The following CACNA1E variants were observed in gnomAD, a reference collection of about 807,000 sequenced individuals.
The protein encoded by CACNA1E is calcium voltage-gated channel subunit alpha1 E.
A neutral mutation model predicts 259.2 loss-of-function variants in CACNA1E; 40 were observed. That is an observed-to-expected ratio of 0.15 (90% CI 0.12 to 0.20). The LOEUF (loss-of-function observed/expected upper bound fraction) is 0.20, where lower values mean the gene tolerates loss of function less well. CACNA1E is among the 10% of genes least tolerant of loss of function. The pLI, the probability that CACNA1E is intolerant of heterozygous loss-of-function variation, is 1.00. For synonymous variants in CACNA1E, 1,104 were observed against 1,138.5 expected (o/e 0.97, Z 0.61); for missense variants, 1,874 against 3,040.1 (o/e 0.62, Z 9.02).
chr1:181,479,030 AG>A (rs1309596220), upstream of CACNA1E, among the ~76,000 whole-genome samples: 1 of 152,248 alleles, frequency 6.6e-6, no homozygotes, highest in Non-Finnish European at 1.5e-5. Flanking sequence ...GGCTTTATAA[AG>A]TAGGAAAGTT....
Position 181,726,132 on chromosome 1 carries a change from C to T in CACNA1E, c.2210C>T (p.Pro737Leu), listed in dbSNP as rs1415894919. 5.6e-6 allele frequency: 9 copies of T among 1,612,680 alleles called. No individual in the cohort carries two copies. The African/African-American group carries it at 6.7e-5, about 12-fold the overall frequency. ...CTGCAGAAGGCCAAGGAGGTCAGCC[C>T]GATGTCTGCACCCAACATGCCTTCG... Reference protein sequence around the residue: ...HALQKAKEVSPMSAPNMPSIE... With the variant: ...HALQKAKEVSLMSAPNMPSIE... The change falls in exon 18 of 48, where the codon CCG becomes CTG. Residue 737 changes from proline to leucine, a missense_variant. This residue lies in a region of CACNA1E where 102 missense variants were observed against 279.4 expected (regional missense o/e 0.37). Coordinates refer to ENST00000367573, the MANE Select transcript of CACNA1E (RefSeq NM_001205293.3).
At chr1:181,685,179 A>ATTTT (rs35187833) in intron 7 of CACNA1E, among the ~76,000 whole-genome samples, 1 of 110,222 alleles carries the variant, frequency 9.1e-6, no homozygotes. Context: ...CAAAGGAAAC[A>ATTTT]TTTTTTTTTT....
intron 35 of CACNA1E, 54 bp from the exon 36 acceptor site, chr1:181,771,239 A>ACACAT (rs1659480992): frequency 7.0e-6 from 7 of 1,000,122 alleles, no homozygotes; most frequent in Non-Finnish European, 1.1e-5. Flanking sequence ...CATGTGCTGG[A>ACACAT]CACATCACAC....
At position 181,724,973 on chromosome 1, in the gene CACNA1E, G is replaced by A. The variant is rs148454467; in HGVS notation, c.2142+436G>A. Among the ~76,000 whole-genome samples the A allele has an allele frequency of 9.3e-3, 1,416 of 152,314 alleles. 12 individuals are homozygous for A. The highest frequency in any genetic ancestry group is 0.012 in the Non-Finnish European group (832 of 68,028). On this transcript the variant is annotated intron_variant, in intron 17 of 47. Transcript: ENST00000367573. ...TCACAGTTCCTGGGCTATGGCTGTT[G>A]GGATATTCCAGTAGGCAAAGGTCAT...
chr1:181,757,306 G>A (rs942254143), intron 30 of CACNA1E, among the ~76,000 whole-genome samples, 180 bp downstream of exon 30: 4 of 152,208 alleles, frequency 2.6e-5, no homozygotes, highest in African/African-American at 4.8e-5. Flanking sequence ...TAAGGCCCAC[G>A]TATGAGGCAC....
At chr1:181,763,997 C>T (rs1036842283) in intron 34 of CACNA1E, among the ~76,000 whole-genome samples, 1 of 152,186 alleles carries the variant, frequency 6.6e-6, no homozygotes, top group Non-Finnish European at 1.5e-5. Context: ...ATGATTCATA[C>T]TTAGCCCCAC....
At chr1:181,559,817 G>A (rs926960029) in intron 3 of CACNA1E, among the ~76,000 whole-genome samples, 1 of 152,132 alleles carries the variant, frequency 6.6e-6, no homozygotes, top group African/African-American at 2.4e-5. Flanking sequence ...GAGATGCAGG[G>A]AAGAGCTGTG....
chr1:181,352,365 G>C (rs1267681486), intron 1 of CACNA1E, among the ~76,000 whole-genome samples: 1 of 152,110 alleles, frequency 6.6e-6, no homozygotes, highest in Non-Finnish European at 1.5e-5. Flanking sequence ...GGCATAACAG[G>C]GTCCTTGGCT....
intron 37 of CACNA1E, among the ~76,000 whole-genome samples, chr1:181,773,538 G>GA (rs928954861): frequency 5.3e-5 from 8 of 152,150 alleles, no homozygotes; most frequent in East Asian, 3.9e-4. Flanking sequence ...AATGTATAAA[G>GA]AAAAAACCCC....
At chr1:181,514,320 T>C (rs1666388353) in intron 3 of CACNA1E, among the ~76,000 whole-genome samples, 1 of 152,146 alleles carries the variant, frequency 6.6e-6, no homozygotes, top group African/African-American at 2.4e-5. Context: ...ATTGTTGGGG[T>C]TGTAGATTCA....
At chr1:181,368,300 T>A (rs7545540) in intron 1 of CACNA1E, among the ~76,000 whole-genome samples, 44,210 of 149,054 alleles carry the variant, frequency 0.3, 6,657 homozygotes, top group African/African-American at 0.37. Flanking sequence ...AAAAAAAAAA[T>A]ACATCGCAAA....
chr1:181,555,469 C>T (rs571375628), intron 3 of CACNA1E, among the ~76,000 whole-genome samples: 2 of 152,290 alleles, frequency 1.3e-5, no homozygotes, highest in African/African-American at 4.8e-5. Context: ...CTTTTTCTTT[C>T]CACCCTCCCC....
rs1558147600 is a variant in CACNA1E, at chr1:181,579,074, C to T, written c.619C>T (p.Leu207=). The T allele has an allele frequency of 2.5e-6, 4 of 1,607,640 alleles. No homozygotes were observed. In the East Asian group the frequency reaches 6.7e-5, roughly 27 times the overall value. Reference sequence around the variant, plus strand: ...TCATTCTCTGTCCTTCCTTCTAGGCCTGCAGATTGTGTTGAAGTCCATCAT... The same window carrying T: ...TCATTCTCTGTCCTTCCTTCTAGGCTTGCAGATTGTGTTGAAGTCCATCAT... The part of the protein sequence containing the change: ...PLKLVSGIPS[L]QIVLKSIMKA... The change falls in exon 5 of 48, where the codon CTG becomes TTG. Residue 207 remains leucine, a splice_region_variant and synonymous_variant. Transcript: ENST00000367573.
At chr1:181,378,953 G>A (rs756340754) in intron 1 of CACNA1E, among the ~76,000 whole-genome samples, 9 of 151,934 alleles carry the variant, frequency 5.9e-5, no homozygotes, top group Non-Finnish European at 1.2e-4. Context: ...AATTCACAAT[G>A]TCTACCATCT....
intron 6 of CACNA1E, among the ~76,000 whole-genome samples, chr1:181,597,534 C>T (rs1048445624): frequency 6.6e-6 from 1 of 152,196 alleles, no homozygotes; most frequent in African/African-American, 2.4e-5. Context: ...CATCAGCATT[C>T]CTCTTACACC....
intron 6 of CACNA1E, among the ~76,000 whole-genome samples, chr1:181,611,624 A>G (rs1654760725): frequency 6.6e-6 from 1 of 152,174 alleles, no homozygotes; most frequent in African/African-American, 2.4e-5. Context: ...ATCTACCTCC[A>G]GAGGCCCTAT....
intron 1 of CACNA1E, among the ~76,000 whole-genome samples, chr1:181,358,559 G>A (rs1653627197): frequency 1.3e-5 from 2 of 152,160 alleles, no homozygotes; most frequent in Non-Finnish European, 1.5e-5. Flanking sequence ...CTGGTGTTCT[G>A]ATAAACTGAG....
intron 1 of CACNA1E, among the ~76,000 whole-genome samples, chr1:181,340,647 A>T (rs904354336): frequency 5.3e-5 from 8 of 152,098 alleles, no homozygotes; most frequent in Non-Finnish European, 1.0e-4. Context: ...TATTAAATTC[A>T]TTCCTAGGGT....
chr1:181,378,304 A>G (rs190229499), intron 1 of CACNA1E, among the ~76,000 whole-genome samples: 139 of 152,386 alleles, frequency 9.1e-4, no homozygotes, highest in African/African-American at 2.5e-3. Flanking sequence ...AGAGTTTGCA[A>G]GATCTTGAAC....
Sources: gnomAD v4.1 joint callset for allele counts (sites outside exome capture counted in the v4.1 genomes callset) on GRCh38, gnomAD v4.1.1 for gene constraint, gnomAD v4.1.1 regional missense constraint, MANE v1.5 for transcripts, NCBI Gene and HGNC (gene_info 2026-07-23, HGNC 2026-07-21) for gene names.